The following VPS13B variants were observed in gnomAD, a reference collection of about 807,000 sequenced individuals.
VPS13B encodes vacuolar protein sorting 13 homolog B, also known as intermembrane lipid transfer protein VPS13B.
In VPS13B, 285 loss-of-function variants were observed where a neutral mutation model predicts 426.4. That is an observed-to-expected ratio of 0.67 (90% CI 0.61 to 0.74). The LOEUF (loss-of-function observed/expected upper bound fraction) is 0.74. Among genes scored for constraint, VPS13B ranks in the 30% least tolerant of loss-of-function variants. The probability of loss-of-function intolerance (pLI) is 0.00; values close to 1 mark genes in which losing one functional copy is unlikely to be tolerated. For missense variants in VPS13B, 4,537 were observed against 4,782.6 expected, an observed-to-expected ratio of 0.95 and a Z score of 1.51; for synonymous variants, 1,676 against 1,676.4, an observed-to-expected ratio of 1.00 and a Z score of 0.01.
intron 54 of VPS13B, 86 bp from the exon 55 acceptor site, chr8:99,848,690 A>C: frequency 8.2e-7 from 1 of 1,216,012 alleles, no homozygotes; most frequent in Non-Finnish European, 1.2e-6. Flanking sequence ...GTGGTATTGA[A>C]TCAGAACTGG....
chr8:99,123,141 A>T (rs937024888), intron 8 of VPS13B, among the ~76,000 whole-genome samples: 1 of 151,240 alleles, frequency 6.6e-6, no homozygotes, highest in Admixed American at 6.6e-5. Context: ...AAAAAAAAAA[A>T]AAAAGAAAGA....
intron 40 of VPS13B, among the ~76,000 whole-genome samples, chr8:99,768,293 GA>G (rs1244176229): frequency 6.6e-6 from 1 of 151,656 alleles, no homozygotes; most frequent in South Asian, 2.1e-4. Flanking sequence ...GACAGTAACA[GA>G]AAAAAAACCA....
At chr8:99,091,757 A>G (rs1846160083) in intron 3 of VPS13B, 1 of 152,200 alleles carries the variant, frequency 6.6e-6, no homozygotes, top group Non-Finnish European at 1.5e-5. Flanking sequence ...GGCTGTTGTC[A>G]TTGTACTTGC....
At chr8:99,280,834 A>G (rs182289596) in intron 19 of VPS13B, among the ~76,000 whole-genome samples, 68 of 152,254 alleles carry the variant, frequency 4.5e-4, no homozygotes, top group Admixed American at 9.8e-4. Context: ...CTGACAACAC[A>G]TATTATCTTA....
chr8:99,533,490 G>A lies in VPS13B; in HGVS notation c.4745+12480G>A, dbSNP rs537516330. Among the ~76,000 whole-genome samples the A allele has an allele frequency of 2.6e-5, 4 of 152,204 alleles. No individual in the cohort carries two copies. In the East Asian group the frequency reaches 7.7e-4, roughly 29 times the overall value. ...CATTCTGACTTTTCATAGGGTTAAT[G>A]TTCCCAATATGAAGTAACATTAATG... is the stretch of plus-strand genomic sequence containing the variant. On this transcript the variant is annotated intron_variant, in intron 30 of 61. Transcript: ENST00000357162.
At chr8:99,393,740 T>C (rs1479067520) in intron 21 of VPS13B, among the ~76,000 whole-genome samples, 3 of 152,160 alleles carry the variant, frequency 2.0e-5, no homozygotes, top group African/African-American at 7.2e-5. Context: ...ATTCTATTTC[T>C]TTCCCTTTGG....
At chr8:99,652,265 T>A (rs1829848523) in intron 34 of VPS13B, among the ~76,000 whole-genome samples, 1 of 152,116 alleles carries the variant, frequency 6.6e-6, no homozygotes, top group African/African-American at 2.4e-5. Context: ...TTAGGCAAGT[T>A]ATTTAACCTG....
chr8:99,183,708 A>G (rs538123923), intron 16 of VPS13B, among the ~76,000 whole-genome samples: 2 of 152,300 alleles, frequency 1.3e-5, no homozygotes, highest in African/African-American at 4.8e-5. Context: ...GTAGTATTGA[A>G]GTAATAAAGG....
chr8:99,153,467 T>A (rs1409493906), intron 14 of VPS13B, among the ~76,000 whole-genome samples: 1 of 152,178 alleles, frequency 6.6e-6, no homozygotes, highest in Non-Finnish European at 1.5e-5. Context: ...AACCTACCTG[T>A]TATACTTCTT....
chr8:99,660,665 A>C (rs1032446877), intron 34 of VPS13B, among the ~76,000 whole-genome samples: 6 of 152,122 alleles, frequency 3.9e-5, no homozygotes, highest in Admixed American at 3.9e-4. Context: ...ACCACAACCA[A>C]TAGCCAAAAA....
At chr8:99,085,054 G>A (rs1563529771) in intron 3 of VPS13B, among the ~76,000 whole-genome samples, 1 of 152,108 alleles carries the variant, frequency 6.6e-6, no homozygotes, top group Non-Finnish European at 1.5e-5. Context: ...ACAGTGGGGT[G>A]TTAACATCTC....
chr8:99,753,151 T>G (rs1467165531), intron 39 of VPS13B, among the ~76,000 whole-genome samples: 1 of 152,242 alleles, frequency 6.6e-6, no homozygotes, highest in Non-Finnish European at 1.5e-5. Context: ...ACATGTAGTA[T>G]GCATTTTAAA....
chr8:99,810,564 AAG>A (rs1228115427), intron 44 of VPS13B, among the ~76,000 whole-genome samples: 2 of 152,226 alleles, frequency 1.3e-5, no homozygotes, highest in Non-Finnish European at 2.9e-5. Context: ...CGGAAATAAA[AAG>A]AGAACTCAAC....
chr8:99,043,129 C>T (rs1473828311), intron 3 of VPS13B, among the ~76,000 whole-genome samples: 3 of 152,048 alleles, frequency 2.0e-5, no homozygotes, highest in Middle Eastern at 3.2e-3. Context: ...CATACTTTCA[C>T]AGGACGAAGT....
chr8:99,413,158 G>A lies in VPS13B; in HGVS notation c.3083-18379G>A, dbSNP rs370214477. Among the ~76,000 whole-genome samples, 33 of 152,150 alleles carry A rather than the reference G, an allele frequency of 2.2e-4. No individual in the cohort carries two copies. In the East Asian group the frequency reaches 6.2e-3, roughly 28 times the overall value. On this transcript the variant is annotated intron_variant, in intron 21 of 61. Transcript: ENST00000357162. ...GTACCAGCTCCTCTTTGTACCTCTG[G>A]TAGAATTCGTCTTTGAATCCATAGG...
Position 99,868,480 on chromosome 8 carries a change from A to G in VPS13B, c.11392+15A>G. ...GACTGGCTATGGTAAGTCGGTGGAAAACCCATCAGGCCAACCCAGACGTTA... is the reference window on the plus strand; with the variant it reads ...GACTGGCTATGGTAAGTCGGTGGAAGACCCATCAGGCCAACCCAGACGTTA... On this transcript the variant is annotated intron_variant, in intron 59 of 61. Coordinates refer to ENST00000357162, the MANE Select transcript of VPS13B (RefSeq NM_152564.5). The G allele has an allele frequency of 1.2e-6, 2 of 1,601,478 alleles. No individual in the cohort carries two copies. Among genetic ancestry groups the G allele is most frequent in the Non-Finnish European group, 1.7e-6 (2 of 1,174,026 alleles).
At chr8:99,133,040 T>C (rs776477398) in intron 8 of VPS13B, among the ~76,000 whole-genome samples, 10 of 152,216 alleles carry the variant, frequency 6.6e-5, no homozygotes, top group Non-Finnish European at 1.5e-4. Context: ...CCGCCTGTAT[T>C]TTGAAGCTTT....
intron 21 of VPS13B, among the ~76,000 whole-genome samples, chr8:99,392,140 A>G (rs1814481979): frequency 6.6e-6 from 1 of 152,160 alleles, no homozygotes; most frequent in Non-Finnish European, 1.5e-5. Context: ...CCTCTACTTA[A>G]AAGACCCATA....
chr8:99,468,192 T>G (rs1309953802), intron 24 of VPS13B, among the ~76,000 whole-genome samples: 1 of 152,122 alleles, frequency 6.6e-6, no homozygotes, highest in Non-Finnish European at 1.5e-5. Context: ...TTCCCCACCC[T>G]GTGTCCAAGT....
Sources: gnomAD v4.1 joint callset for allele counts (sites outside exome capture counted in the v4.1 genomes callset) on GRCh38, gnomAD v4.1.1 for gene constraint, MANE v1.5 for transcripts, NCBI Gene and HGNC (gene_info 2026-07-23, HGNC 2026-07-21) for gene names.